Variants in SLC7A9 observed in about 807,000 individuals in gnomAD.
SLC7A9 encodes the protein B(0,+)-type amino acid transporter 1.
Under a neutral mutation model 54.1 loss-of-function variants are expected in SLC7A9, and 38 were observed. That is an observed-to-expected ratio of 0.70 (90% CI 0.54 to 0.92). The LOEUF (loss-of-function observed/expected upper bound fraction) is 0.92. Among genes scored for constraint, SLC7A9 ranks in the 40% least tolerant of loss-of-function variants. The pLI is 0.00. For missense variants in SLC7A9, 537 were observed against 636.1 expected (o/e 0.84, Z 1.68); for synonymous variants, 264 against 258.9 (o/e 1.02, Z -0.19).
rs757508871 is a variant in SLC7A9, at chr19:32,858,425, G to C, written c.977+15C>G. ...GCCCCTGTCCACCCTGGGAGTGACG[G>C]TGGGGGTCCCCTACCTGCCCGCTGT... On this transcript the variant is annotated intron_variant, in intron 9 of 12. Coordinates refer to ENST00000023064, the MANE Select transcript of SLC7A9 (RefSeq NM_014270.5). 1 of 1,587,246 alleles carries C rather than the reference G, an allele frequency of 6.3e-7. No homozygotes were observed. Among genetic ancestry groups the C allele is most frequent in the East Asian group, 2.2e-5 (1 of 44,736 alleles).
At chr19:32,855,657 A>T (rs181351550) in intron 9 of SLC7A9, among the ~76,000 whole-genome samples, 1 of 152,106 alleles carries the variant, frequency 6.6e-6, no homozygotes, top group South Asian at 2.1e-4. Context: ...AGCCGAGATC[A>T]TGCCACTGCA....
chr19:32,864,941 C>T (rs926458710), intron 2 of SLC7A9, among the ~76,000 whole-genome samples, 165 bp from the exon 3 acceptor site: 1 of 152,210 alleles, frequency 6.6e-6, no homozygotes, highest in South Asian at 2.1e-4. Context: ...GCACCGCTCC[C>T]GGAGCTTTGC....
At chr19:32,867,757 C>T (rs1969014524) in intron 2 of SLC7A9, among the ~76,000 whole-genome samples, 1 of 151,652 alleles carries the variant, frequency 6.6e-6, no homozygotes, top group Non-Finnish European at 1.5e-5. Context: ...CCAGCCTGGC[C>T]AATATGGTGA....
chr19:32,868,315 T>G, intron 2 of SLC7A9, 133 bp downstream of exon 2: 1 of 710,412 alleles, frequency 1.4e-6, no homozygotes, highest in Middle Eastern at 2.5e-4. Context: ...CCTTTAAAGA[T>G]GTACTTCACA....
intron 9 of SLC7A9, among the ~76,000 whole-genome samples, chr19:32,851,179 C>G (rs1316737013): frequency 1.3e-5 from 2 of 152,076 alleles, no homozygotes; most frequent in African/African-American, 4.8e-5. Context: ...CAAATGGGAT[C>G]TAATTAAACT....
intron 2 of SLC7A9, among the ~76,000 whole-genome samples, chr19:32,866,309 C>T (rs1968971137): frequency 6.6e-6 from 1 of 152,166 alleles, no homozygotes; most frequent in South Asian, 2.1e-4. Flanking sequence ...CAGCCCTGCC[C>T]AGGACTGGCA....
intron 9 of SLC7A9, among the ~76,000 whole-genome samples, chr19:32,857,007 C>A (rs965419212): frequency 1.3e-5 from 2 of 152,106 alleles, no homozygotes; most frequent in South Asian, 2.1e-4. Context: ...AAAAATTAGC[C>A]AGGCATGATG....
At chr19:32,866,319 A>G (rs528585308) in intron 2 of SLC7A9, among the ~76,000 whole-genome samples, 6 of 152,234 alleles carry the variant, frequency 3.9e-5, no homozygotes, top group Admixed American at 3.9e-4. Flanking sequence ...CAGGACTGGC[A>G]GTTTGGCTCC....
chr19:32,847,942 C>T (rs1283190567), intron 9 of SLC7A9, among the ~76,000 whole-genome samples: 2 of 152,110 alleles, frequency 1.3e-5, no homozygotes, highest in African/African-American at 4.8e-5. Flanking sequence ...AGCTAAGCTT[C>T]ATAAGTGAAG....
chr19:32,862,207 C>A lies in SLC7A9; in HGVS notation c.615G>T (p.Lys205Asn), dbSNP rs567186115. The A allele has an allele frequency of 1.2e-6, 2 of 1,613,766 alleles. No individual in the cohort carries two copies. The highest frequency in any genetic ancestry group is 4.5e-5 in the East Asian group (2 of 44,882). ...GLVLLAQGNT[K>N]NFDNSFEGAQ... ...CGCCCTCGAAAGAATTATCAAAATTCTTTGTGTTTCCTGTAATGAAGCCAG... is the reference window on the plus strand; with the variant it reads ...CGCCCTCGAAAGAATTATCAAAATTATTTGTGTTTCCTGTAATGAAGCCAG... Residue 205 changes from lysine to asparagine, a missense_variant, in exon 6 of 13, where the codon AAG becomes AAT. Physicochemically the swap from Lys to Asn is moderately conservative, Grantham distance 94. Coordinates refer to ENST00000023064, the MANE Select transcript of SLC7A9 (RefSeq NM_014270.5).
At chr19:32,856,217 C>T (rs1242502111) in intron 9 of SLC7A9, among the ~76,000 whole-genome samples, 17 of 145,046 alleles carry the variant, frequency 1.2e-4, no homozygotes, top group Admixed American at 1.0e-3. Context: ...TTTTCTGAGA[C>T]GGAGTCTTGC....
chr19:32,868,508 C>T lies in SLC7A9; in HGVS notation c.27G>A (p.Arg9=). 1 of 1,614,152 alleles carries T rather than the reference C, an allele frequency of 6.2e-7. No individual in the cohort carries two copies. Among genetic ancestry groups the T allele is most frequent in the Non-Finnish European group, 8.5e-7 (1 of 1,180,008 alleles). The part of the protein sequence containing the change: MGDTGLRK[R]REDEKSIQSQ... ...TCTGGATCGACTTCTCATCCTCTCT[C>T]CGCTTTCTCAGGCCAGTATCCCCCA... The change falls in exon 2 of 13, where the codon CGG becomes CGA. Residue 9 remains arginine, a synonymous_variant. Coordinates refer to ENST00000023064, the MANE Select transcript of SLC7A9 (RefSeq NM_014270.5).
At chr19:32,848,731 A>AT (rs920285167) in intron 9 of SLC7A9, among the ~76,000 whole-genome samples, 1 of 152,116 alleles carries the variant, frequency 6.6e-6, no homozygotes, top group Non-Finnish European at 1.5e-5. Flanking sequence ...CAGAACATAC[A>AT]TTTTTTTCAG....
chr19:32,858,707 C>T (rs577218176), intron 8 of SLC7A9, among the ~76,000 whole-genome samples, 164 bp from the exon 9 acceptor site: 2 of 152,270 alleles, frequency 1.3e-5, no homozygotes, highest in Non-Finnish European at 2.9e-5. Context: ...ACGCCACTCG[C>T]CTATCTCCAG....
At chr19:32,840,019 C>A (rs1420646441) in intron 11 of SLC7A9, among the ~76,000 whole-genome samples, 1 of 152,030 alleles carries the variant, frequency 6.6e-6, no homozygotes, top group Admixed American at 6.6e-5. Flanking sequence ...TTCAGGGACT[C>A]CAATTATGCA....
intron 11 of SLC7A9, among the ~76,000 whole-genome samples, chr19:32,837,247 G>A (rs1967984514): frequency 6.6e-6 from 1 of 152,078 alleles, no homozygotes; most frequent in Non-Finnish European, 1.5e-5. Context: ...TGTAATCCCA[G>A]TACTTTGGGA....
intron 11 of SLC7A9, among the ~76,000 whole-genome samples, chr19:32,838,613 T>C (rs1968034227): frequency 6.7e-6 from 1 of 148,194 alleles, no homozygotes; most frequent in South Asian, 2.1e-4. Flanking sequence ...CATATACCTA[T>C]AATATATACT....
chr19:32,858,145 G>A (rs983334759), intron 9 of SLC7A9, among the ~76,000 whole-genome samples: 3 of 152,126 alleles, frequency 2.0e-5, no homozygotes, highest in East Asian at 1.9e-4. Flanking sequence ...GCTTCCCTTC[G>A]CCTCAGCATG....
In SLC7A9 at chr19:32,858,648, C is replaced by T. The variant is rs757375652; in HGVS notation, c.874-105G>A. On this transcript the variant is annotated intron_variant, in intron 8 of 12. Transcript: ENST00000023064. ...TCCCAGGGGACCCAGGGACCCACCT[C>T]GCCTCGGGGCACAGCCTCTGACTCC... 70 of 804,942 alleles carry T rather than the reference C, an allele frequency of 8.7e-5. 1 individual carries two copies. The highest frequency in any genetic ancestry group is 7.3e-4 in the South Asian group (50 of 68,920). The allele number at this position is 804,942 out of a possible 1,614,324, so 49.9% of individuals were successfully genotyped here.
Sources: gnomAD v4.1 joint callset for allele counts (sites outside exome capture counted in the v4.1 genomes callset) on GRCh38, gnomAD v4.1.1 for gene constraint, MANE v1.5 for transcripts, NCBI Gene and HGNC (gene_info 2026-07-23, HGNC 2026-07-21) for gene names.